ARHGAP42: variants seen among roughly 807,000 people sequenced by gnomAD.
ARHGAP42 encodes rho GTPase-activating protein 42.
ARHGAP42 carries 63 observed loss-of-function variants against 125.0 expected under a neutral mutation model. The observed-to-expected ratio is 0.50, with a 90% CI of 0.41 to 0.62. The LOEUF (loss-of-function observed/expected upper bound fraction) is 0.62, where lower values mean the gene tolerates loss of function less well. ARHGAP42 is among the 20% of genes least tolerant of loss of function. The pLI, the probability that ARHGAP42 is intolerant of heterozygous loss-of-function variation, is 0.00. For missense variants in ARHGAP42, 766 were observed against 1,024.2 expected (o/e 0.75, Z 3.44); for synonymous variants, 339 against 351.0 (o/e 0.97, Z 0.38).
In ARHGAP42 at chr11:100,948,543, T is replaced by C. The variant is rs1415257281; in HGVS notation, c.1122+8T>C. 1.9e-6 allele frequency: 3 copies of C among 1,538,846 alleles called. No individual in the cohort carries two copies. The South Asian group carries it at 3.6e-5, about 19-fold the overall frequency. On this transcript the variant is annotated splice_region_variant and intron_variant, in intron 11 of 23. Transcript: ENST00000298815. Reference sequence around the variant, plus strand: ...ATGGATGGGAAGGAACCGGTAAGACTATGACACATTCTATAATTTAGGTTT... The same window carrying C: ...ATGGATGGGAAGGAACCGGTAAGACCATGACACATTCTATAATTTAGGTTT...
intron 1 of ARHGAP42, among the ~76,000 whole-genome samples, chr11:100,692,658 T>C (rs1394939204): frequency 6.6e-6 from 1 of 152,190 alleles, no homozygotes; most frequent in Non-Finnish European, 1.5e-5. Context: ...CAAATGAAGA[T>C]GGCACCGATT....
chr11:100,929,645 G>A lies in ARHGAP42; in HGVS notation c.598-3511G>A, dbSNP rs117164337. ...TAGATTTCACTGTGGTTTTGATTTC[G>A]ATTTCTCTGATGACTAATAAGAATC... is the stretch of plus-strand genomic sequence containing the variant. On this transcript the variant is annotated intron_variant, in intron 6 of 23. Transcript: ENST00000298815. 8.3e-3 allele frequency among the ~76,000 whole-genome samples: 1,269 copies of A among 152,144 alleles called. 10 individuals carry two copies. Among genetic ancestry groups the A allele is most frequent in the South Asian group, 0.019 (90 of 4,818 alleles).
chr11:100,790,299 C>T (rs996734871), intron 2 of ARHGAP42, among the ~76,000 whole-genome samples: 1 of 151,736 alleles, frequency 6.6e-6, no homozygotes, highest in African/African-American at 2.4e-5. Context: ...TGTTTGTGAA[C>T]GTTTATACTC....
At chr11:100,887,828 G>C (rs1054811378) in intron 4 of ARHGAP42, among the ~76,000 whole-genome samples, 1 of 152,132 alleles carries the variant, frequency 6.6e-6, no homozygotes, top group Non-Finnish European at 1.5e-5. Flanking sequence ...TGGTTGATAG[G>C]GGCAGGAGCA....
intron 1 of ARHGAP42, among the ~76,000 whole-genome samples, chr11:100,759,309 C>T (rs1464532160): frequency 1.3e-5 from 2 of 152,146 alleles, no homozygotes; most frequent in Admixed American, 1.3e-4. Context: ...GTTTTCCTCT[C>T]TTCCTCATAG....
intron 3 of ARHGAP42, among the ~76,000 whole-genome samples, chr11:100,847,723 A>C (rs1279838231): frequency 2.6e-5 from 4 of 152,164 alleles, no homozygotes; most frequent in African/African-American, 9.7e-5. Context: ...GTCTAGGGTG[A>C]CTGGACAGTT....
intron 3 of ARHGAP42, among the ~76,000 whole-genome samples, chr11:100,837,089 T>A (rs1322948192): frequency 6.6e-6 from 1 of 152,148 alleles, no homozygotes; most frequent in Non-Finnish European, 1.5e-5. Flanking sequence ...ATAGAAAAAT[T>A]TCAAGAATAG....
At chr11:100,937,815 T>C (rs1324643998) in intron 8 of ARHGAP42, among the ~76,000 whole-genome samples, 1 of 152,228 alleles carries the variant, frequency 6.6e-6, no homozygotes, top group Admixed American at 6.5e-5. Context: ...CGGTCCTACT[T>C]GGTAGTGAGT....
intron 12 of ARHGAP42, among the ~76,000 whole-genome samples, chr11:100,959,088 C>CAT (rs10686922): frequency 0.9 from 136,980 of 151,850 alleles, 61,982 homozygotes; most frequent in East Asian, 1. Context: ...GTCACTACCA[C>CAT]GTGATGAAAA....
intron 3 of ARHGAP42, among the ~76,000 whole-genome samples, chr11:100,848,590 G>A (rs1307767121): frequency 4.0e-5 from 6 of 151,064 alleles, no homozygotes; most frequent in East Asian, 2.0e-4. Flanking sequence ...TGCAACCTCC[G>A]TCTCCCAGGT....
At chr11:100,739,488 A>G (rs1027344980) in intron 1 of ARHGAP42, among the ~76,000 whole-genome samples, 4 of 152,332 alleles carry the variant, frequency 2.6e-5, no homozygotes, top group Admixed American at 2.0e-4. Flanking sequence ...AGTTTCATTT[A>G]TGTGATTAAC....
chr11:100,762,356 C>A, intron 1 of ARHGAP42, among the ~76,000 whole-genome samples: 1 of 152,134 alleles, frequency 6.6e-6, no homozygotes, highest in Non-Finnish European at 1.5e-5. Context: ...GAATGAAGAA[C>A]AGCATCAGGG....
At chr11:100,864,253 C>T (rs1336470495) in intron 4 of ARHGAP42, among the ~76,000 whole-genome samples, 3 of 151,456 alleles carry the variant, frequency 2.0e-5, no homozygotes, top group South Asian at 2.1e-4. Context: ...AGCGCAATCT[C>T]GGCTCACTGC....
At position 100,899,687 on chromosome 11, in the gene ARHGAP42, GTTTGTTTTGTTTTT is replaced by G. The variant is rs1372964132; in HGVS notation, c.385-13751_385-13738del. 1.1e-4 allele frequency among the ~76,000 whole-genome samples: 13 copies of G among 120,842 alleles called. No individual in the cohort carries two copies. In the South Asian group the frequency reaches 3.9e-3, roughly 37 times the overall value. 79.3% of individuals were successfully genotyped at this position (120,842 alleles called of 152,430 possible). A position where few individuals can be genotyped will look rare whatever the true frequency, so the allele number is the denominator to read the frequency against. Reference sequence around the variant, plus strand: ...GTCCCTGCTTTTTGTTTGTTTGTTTGTTTGTTTTGTTTTTTTTGTTTTGTTTTGTGTTTTGTTTT... The same window carrying G: ...GTCCCTGCTTTTTGTTTGTTTGTTTGTTTGTTTTGTTTTGTGTTTTGTTTT... On this transcript the variant is annotated intron_variant, in intron 4 of 23. Coordinates refer to ENST00000298815, the MANE Select transcript of ARHGAP42 (RefSeq NM_152432.4).
chr11:100,946,278 A>G, intron 10 of ARHGAP42, among the ~76,000 whole-genome samples: 1 of 152,076 alleles, frequency 6.6e-6, no homozygotes, highest in South Asian at 2.1e-4. Context: ...TCTTCTATAC[A>G]CACCACTAGA....
At chr11:100,710,215 A>AT (rs1014335286) in intron 1 of ARHGAP42, among the ~76,000 whole-genome samples, 9 of 151,884 alleles carry the variant, frequency 5.9e-5, no homozygotes, top group Admixed American at 2.0e-4. Context: ...ATAACATTGT[A>AT]TTTTTTCAAT....
At chr11:100,944,670 G>A (rs1168561765) in intron 10 of ARHGAP42, among the ~76,000 whole-genome samples, 2 of 151,934 alleles carry the variant, frequency 1.3e-5, no homozygotes, top group East Asian at 1.9e-4. Context: ...GTTTCTCGGT[G>A]CATATAAAAG....
chr11:100,767,808 A>G (rs1363127900), intron 1 of ARHGAP42, among the ~76,000 whole-genome samples: 4 of 152,150 alleles, frequency 2.6e-5, no homozygotes, highest in Non-Finnish European at 5.9e-5. Flanking sequence ...TACATATACA[A>G]ATAAAGGGGT....
At chr11:100,732,952 G>C (rs1861986541) in intron 1 of ARHGAP42, among the ~76,000 whole-genome samples, 1 of 152,124 alleles carries the variant, frequency 6.6e-6, no homozygotes, top group African/African-American at 2.4e-5. Flanking sequence ...TAATTAGCCA[G>C]CTCCAAAATA....
Sources: gnomAD v4.1 joint callset for allele counts (sites outside exome capture counted in the v4.1 genomes callset) on GRCh38, gnomAD v4.1.1 for gene constraint, MANE v1.5 for transcripts, NCBI Gene and HGNC (gene_info 2026-07-23, HGNC 2026-07-21) for gene names.